PSTPIP2: variants seen among roughly 807,000 people sequenced by gnomAD.
The protein encoded by PSTPIP2 is proline-serine-threonine phosphatase-interacting protein 2.
In PSTPIP2, 33 loss-of-function variants were observed where a neutral mutation model predicts 63.3. The ratio of observed to expected loss-of-function variants is 0.52; its 90% CI spans 0.40 to 0.70. PSTPIP2 has a LOEUF of 0.70. PSTPIP2 is among the 30% of genes least tolerant of loss of function. PSTPIP2 has a pLI of 0.00. For missense variants in PSTPIP2, 312 were observed against 400.7 expected, an observed-to-expected ratio of 0.78 and a Z score of 1.89; for synonymous variants, 125 against 132.7, an observed-to-expected ratio of 0.94 and a Z score of 0.40.
At chr18:46,047,394 GA>G (rs1413419253) in intron 1 of PSTPIP2, among the ~76,000 whole-genome samples, 1 of 152,184 alleles carries the variant, frequency 6.6e-6, no homozygotes, top group African/African-American at 2.4e-5. Flanking sequence ...CCAGCACAGT[GA>G]AACCTCGTCT....
At chr18:46,052,760 A>T (rs535725385) in intron 1 of PSTPIP2, among the ~76,000 whole-genome samples, 1 of 152,354 alleles carries the variant, frequency 6.6e-6, no homozygotes, top group South Asian at 2.1e-4. Context: ...TTTTTGAACC[A>T]GAAATGAATC....
At chr18:46,020,107 A>G (rs1907290748) in intron 3 of PSTPIP2, among the ~76,000 whole-genome samples, 1 of 152,106 alleles carries the variant, frequency 6.6e-6, no homozygotes, top group Non-Finnish European at 1.5e-5. Context: ...GTTGTCTCCC[A>G]TCATCACTTC....
chr18:46,032,747 T>A (rs1261941273), intron 2 of PSTPIP2, among the ~76,000 whole-genome samples: 2 of 94,772 alleles, frequency 2.1e-5, no homozygotes, highest in African/African-American at 5.0e-5. Flanking sequence ...AGAGCAAAAC[T>A]CTGTGTCAAA....
chr18:46,047,145 A>AG (rs1908409991), intron 1 of PSTPIP2, among the ~76,000 whole-genome samples: 2 of 152,232 alleles, frequency 1.3e-5, no homozygotes, highest in Non-Finnish European at 2.9e-5. Flanking sequence ...CAGACTTGGG[A>AG]TAAAGACTAT....
chr18:46,032,451 TC>T (rs1907818398), intron 2 of PSTPIP2, among the ~76,000 whole-genome samples: 1 of 152,094 alleles, frequency 6.6e-6, no homozygotes, highest in Non-Finnish European at 1.5e-5. Flanking sequence ...TGTGCCATTT[TC>T]CCTTCAGCAA....
chr18:46,029,731 A>G, intron 2 of PSTPIP2: 5 of 636,602 alleles, frequency 7.9e-6, no homozygotes, highest in South Asian at 3.7e-5. Context: ...CAGTATTTCA[A>G]ACTTCCCAGT....
chr18:45,990,711 T>C lies in PSTPIP2; in HGVS notation c.955+11A>G. ...TATAAGAATTTCAAAAGACCTTTTT[T>C]AGTGGCATACCTGGTGAGCTTTTAG... is the stretch of plus-strand genomic sequence containing the variant. On this transcript the variant is annotated intron_variant, in intron 13 of 14. Coordinates refer to ENST00000409746, the MANE Select transcript of PSTPIP2 (RefSeq NM_024430.4). 1 of 1,602,056 alleles carries C rather than the reference T, an allele frequency of 6.2e-7. No homozygotes were observed.
chr18:46,054,592 G>A (rs1908689584), intron 1 of PSTPIP2, among the ~76,000 whole-genome samples: 1 of 151,962 alleles, frequency 6.6e-6, no homozygotes, highest in South Asian at 2.1e-4. Flanking sequence ...TAGGGAGAAC[G>A]GATGGGAAAT....
chr18:46,012,352 A>C (rs923584619), intron 4 of PSTPIP2, among the ~76,000 whole-genome samples: 3 of 152,230 alleles, frequency 2.0e-5, no homozygotes, highest in Admixed American at 1.3e-4. Context: ...AGAACGAGGC[A>C]GATCTATATG....
In PSTPIP2 at chr18:45,997,603, CTCGTCCTCCCCCAA is replaced by C; in HGVS notation, c.642+132_642+145del. 3.1e-5 allele frequency: 4 copies of C among 127,210 alleles called. 1 individual carries two copies. The highest frequency in any genetic ancestry group is 2.5e-4 in the South Asian group (1 of 4,048). The allele number at this position is 127,210 out of a possible 1,614,324, so 7.9% of individuals were successfully genotyped here. On this transcript the variant is annotated intron_variant, in intron 9 of 14. Transcript: ENST00000409746. ...GGGCAGAAGACCCACCTCCCGCCCC[CTCGTCCTCCCCCAA>C]CCCCCGGCCCCACTCCCCCTTCCCT...
intron 1 of PSTPIP2, among the ~76,000 whole-genome samples, chr18:46,070,023 A>G (rs1568236467): frequency 6.6e-6 from 1 of 152,112 alleles, no homozygotes; most frequent in Non-Finnish European, 1.5e-5. Context: ...AATCCTCCCA[A>G]CGGTCCTAAG....
chr18:46,054,064 C>T (rs575526738), intron 1 of PSTPIP2, among the ~76,000 whole-genome samples: 2 of 152,252 alleles, frequency 1.3e-5, no homozygotes, highest in Non-Finnish European at 2.9e-5. Context: ...CAAACCTGTA[C>T]GGCATGTCAC....
chr18:46,008,777 T>TC (rs1223398574), intron 5 of PSTPIP2, among the ~76,000 whole-genome samples: 1 of 152,134 alleles, frequency 6.6e-6, no homozygotes, highest in African/African-American at 2.4e-5. Flanking sequence ...TCATGTGTTG[T>TC]CATTGTCATG....
At chr18:46,027,309 T>C in intron 2 of PSTPIP2, among the ~76,000 whole-genome samples, 1 of 50,776 alleles carries the variant, frequency 2.0e-5, no homozygotes, top group East Asian at 4.7e-4. Flanking sequence ...AATAAATAAA[T>C]AAATAAATAA....
At chr18:46,024,522 A>G (rs983429160) in intron 3 of PSTPIP2, 87 bp downstream of exon 3, 1 of 1,184,372 alleles carries the variant, frequency 8.4e-7, no homozygotes, top group Admixed American at 1.9e-5. Context: ...GCATACTTCA[A>G]CCTCCTGGTA....
chr18:45,993,571 AC>A (rs2051561314), intron 10 of PSTPIP2, 33 bp downstream of exon 10: 1 of 1,570,574 alleles, frequency 6.4e-7, no homozygotes, highest in African/African-American at 1.4e-5. Flanking sequence ...TCCAACATGC[AC>A]ACGACAATCC....
intron 5 of PSTPIP2, among the ~76,000 whole-genome samples, chr18:46,009,369 A>G (rs1186391158): frequency 2.5e-5 from 3 of 119,990 alleles, no homozygotes; most frequent in Non-Finnish European, 5.1e-5. Context: ...GTGTAAAAAA[A>G]AAAAAAAAAA....
At chr18:46,033,438 C>G (rs1330963332) in intron 2 of PSTPIP2, among the ~76,000 whole-genome samples, 1 of 152,152 alleles carries the variant, frequency 6.6e-6, no homozygotes, top group Non-Finnish European at 1.5e-5. Flanking sequence ...TAGCTCACAC[C>G]TATAATCCCA....
At chr18:46,018,522 C>G (rs2051876585) in intron 3 of PSTPIP2, among the ~76,000 whole-genome samples, 1 of 152,132 alleles carries the variant, frequency 6.6e-6, no homozygotes, top group Non-Finnish European at 1.5e-5. Flanking sequence ...GTGCCCACCA[C>G]CACGCCCAGC....
Sources: allele counts gnomAD v4.1 joint callset (sites outside exome capture counted in the v4.1 genomes callset), GRCh38; gene constraint gnomAD v4.1.1; transcripts MANE v1.5; gene names NCBI Gene and HGNC (gene_info 2026-07-23, HGNC 2026-07-21).